Variants in OGDHL observed in about 807,000 individuals in gnomAD.
OGDHL encodes the protein oxoglutarate dehydrogenase L, also known as 2-oxoglutarate dehydrogenase-like, mitochondrial.
A neutral mutation model predicts 109.6 loss-of-function variants in OGDHL; 79 were observed. That is an observed-to-expected ratio of 0.72 (90% CI 0.60 to 0.87). The LOEUF is 0.87. Ranked by LOEUF, OGDHL falls within the 40% of genes least tolerant of loss-of-function variation. The pLI, the probability that OGDHL is intolerant of heterozygous loss-of-function variation, is 0.00. For synonymous variants in OGDHL, 528 were observed against 537.2 expected (o/e 0.98, Z 0.24); for missense variants, 1,275 against 1,362.2 (o/e 0.94, Z 1.01).
rs1841141966 is a variant in OGDHL at position 49,736,064 on chromosome 10, G to A, written c.2868C>T (p.Ser956=). The change falls in exon 22 of 23, where the codon AGC becomes AGT. Residue 956 remains serine (S), a synonymous_variant. Transcript: ENST00000374103. ...HKNMGYYDYI[S]PRFMTILRRA... Reference sequence around the variant, plus strand: ...GCCTCAGGATGGTCATGAAGCGTGGGCTGATGTAGTCATAGTAGCCCATGT... The same window carrying A: ...GCCTCAGGATGGTCATGAAGCGTGGACTGATGTAGTCATAGTAGCCCATGT... 1.6e-5 allele frequency: 25 copies of A among 1,608,650 alleles called. No individual in the cohort carries two copies. The highest frequency in any genetic ancestry group is 2.1e-5 in the Non-Finnish European group (25 of 1,177,382).
chr10:49,756,537 A>C (rs1842924858), intron 3 of OGDHL: 2 of 413,866 alleles, frequency 4.8e-6, no homozygotes, highest in East Asian at 7.3e-5. Flanking sequence ...TGGTGTGTGC[A>C]AGGAACAGAC....
chr10:49,746,998 A>G (rs1842236870), intron 9 of OGDHL, 31 bp downstream of exon 9: 1 of 1,611,044 alleles, frequency 6.2e-7, no homozygotes, highest in Non-Finnish European at 8.5e-7. Flanking sequence ...TGAAGGGCCC[A>G]GGTCCTCTGG....
Position 49,744,074 on chromosome 10 carries a change from GT to G in OGDHL, c.1780del (p.Thr594ArgfsTer39). The G allele has an allele frequency of 3.1e-6, 5 of 1,614,096 alleles. No homozygotes were observed. Among genetic ancestry groups the G allele is most frequent in the African/African-American group, 1.3e-5 (1 of 75,038 alleles). ...GEPKSMTCPA[T>X]GIPEDMLTHI... ...GGTGAGCATGTCCTCAGGGATCCCCGTGGCTGGGCATGTCATGCTCTTGGGC... is the reference window on the plus strand; with the variant it reads ...GGTGAGCATGTCCTCAGGGATCCCCGGGCTGGGCATGTCATGCTCTTGGGC... On this transcript the variant is annotated frameshift_variant, in exon 14 of 23. Transcript: ENST00000374103. LOFTEE classifies it high-confidence loss of function.
chr10:49,746,796 G>C lies in OGDHL; in HGVS notation c.1250C>G (p.Pro417Arg). 2 of 1,614,050 alleles carry C rather than the reference G, an allele frequency of 1.2e-6. No individual in the cohort carries two copies. The highest frequency in any genetic ancestry group is 8.5e-7 in the Non-Finnish European group (1 of 1,179,994). The change falls in exon 10 of 23, where the codon CCC becomes CGC. Residue 417 changes from proline to arginine, a missense_variant. Physicochemically the swap from Pro to Arg is moderately radical, Grantham distance 103. Transcript: ENST00000374103. ...VYETFHLSDL[P>R]SYTTNGTVHV... Reference sequence around the variant, plus strand: ...CACGGTACCATTGGTCGTGTAGGAGGGCAGGTCGCTCAGGTGGAAGGTCTC... The same window carrying C: ...CACGGTACCATTGGTCGTGTAGGAGCGCAGGTCGCTCAGGTGGAAGGTCTC...
At chr10:49,749,845 T>C in intron 7 of OGDHL, 29 bp from the exon 8 acceptor site, 1 of 1,560,570 alleles carries the variant, frequency 6.4e-7, no homozygotes, top group Non-Finnish European at 8.7e-7. Context: ...GGCTCTCACC[T>C]GGCAAAGCCC....
At chr10:49,762,137 G>A (rs1397447877) in intron 1 of OGDHL, 102 bp downstream of exon 1, 1 of 153,518 alleles carries the variant, frequency 6.5e-6, no homozygotes, top group East Asian at 1.9e-4. Flanking sequence ...TGCGGGCAGC[G>A]GCGCCCCAGG....
Position 49,752,208 on chromosome 10 carries a change from G to A in OGDHL, c.519C>T (p.Phe173=). Residue 173 remains phenylalanine (F), a synonymous_variant, in exon 5 of 23, where the codon TTC becomes TTT. Coordinates refer to ENST00000374103, the MANE Select transcript of OGDHL (RefSeq NM_018245.3). ...CAATGAAGGTGGTTGTCGGCAGCTG[G>A]AACTCCTTATCAAGGTCAGCCTCCT... ...DLQEADLDKE[F]QLPTTTFIGG... 1.2e-6 allele frequency: 2 copies of A among 1,614,072 alleles called. No homozygotes were observed. Among genetic ancestry groups the A allele is most frequent in the South Asian group, 2.2e-5 (2 of 91,066 alleles).
At chr10:49,739,987 A>G (rs1392112790) in intron 16 of OGDHL, 148 bp from the exon 17 acceptor site, 1 of 785,252 alleles carries the variant, frequency 1.3e-6, no homozygotes, top group Non-Finnish European at 2.0e-6. Flanking sequence ...CTGGGATTCA[A>G]AGGGTACAAT....
chr10:49,753,272 T>A (rs1020173741), intron 3 of OGDHL, among the ~76,000 whole-genome samples: 18 of 152,058 alleles, frequency 1.2e-4, no homozygotes, highest in Admixed American at 2.6e-4. Context: ...TCATAAAATT[T>A]AAAAAAACCA....
At chr10:49,738,884 C>T (rs982016870) in intron 17 of OGDHL, 14 of 153,592 alleles carry the variant, frequency 9.1e-5, no homozygotes, top group African/African-American at 3.1e-4. Flanking sequence ...TGGGGACGGC[C>T]AAGGACCCAG....
At chr10:49,756,331 C>G (rs1198706902) in intron 3 of OGDHL, among the ~76,000 whole-genome samples, 2 of 152,160 alleles carry the variant, frequency 1.3e-5, no homozygotes, top group African/African-American at 2.4e-5. Flanking sequence ...GGAGGAGCAA[C>G]TGGTGGGGGA....
At position 49,745,882 on chromosome 10, in the gene OGDHL, G is replaced by T. The variant is rs17852387; in HGVS notation, c.1392C>A (p.Ala464=). The change falls in exon 11 of 23, where the codon GCC becomes GCA. Residue 464 remains alanine, a synonymous_variant. Coordinates refer to ENST00000374103, the MANE Select transcript of OGDHL (RefSeq NM_018245.3). ...VVNAPIFHVN[A]DDPEAVIYVC... Reference sequence around the variant, plus strand: ...CATATATCACAGCCTCTGGGTCATCGGCATTCACATGGAAGATAGGCGCAT... The same window carrying T: ...CATATATCACAGCCTCTGGGTCATCTGCATTCACATGGAAGATAGGCGCAT... The T allele has an allele frequency of 1.9e-6, 3 of 1,614,148 alleles. No individual in the cohort carries two copies. Among genetic ancestry groups the T allele is most frequent in the Non-Finnish European group, 2.5e-6 (3 of 1,180,038 alleles).
At chr10:49,741,728 C>A (rs1376352887) in intron 15 of OGDHL, among the ~76,000 whole-genome samples, 2 of 137,686 alleles carry the variant, frequency 1.5e-5, no homozygotes, top group African/African-American at 5.6e-5. Flanking sequence ...ACACACACAC[C>A]ACACACATAC....
At position 49,752,226 on chromosome 10, in the gene OGDHL, A is replaced by G; in HGVS notation, c.501T>C (p.Ala167=). 1 of 1,614,040 alleles carries G rather than the reference A, an allele frequency of 6.2e-7. No homozygotes were observed. The highest frequency in any genetic ancestry group is 1.3e-5 in the African/African-American group (1 of 75,070). Residue 167 remains alanine, a synonymous_variant, in exon 5 of 23, where the codon GCT becomes GCC. Transcript: ENST00000374103. ...DKLAFYDLQE[A]DLDKEFQLPT... ...GCAGCTGGAACTCCTTATCAAGGTC[A>G]GCCTCCTGAAGGTCATAGAAGGCTG...
chr10:49,737,049 G>A (rs1176082833), intron 20 of OGDHL, among the ~76,000 whole-genome samples: 1 of 152,174 alleles, frequency 6.6e-6, no homozygotes, highest in Admixed American at 6.5e-5. Context: ...GGAAGCTACT[G>A]TAGTGTCCTC....
intron 13 of OGDHL, among the ~76,000 whole-genome samples, chr10:49,744,444 G>A (rs1281260068): frequency 6.6e-6 from 1 of 152,048 alleles, no homozygotes; most frequent in Non-Finnish European, 1.5e-5. Context: ...CCTTTTCAGT[G>A]AGCACCTGGC....
At chr10:49,752,092 G>A in intron 5 of OGDHL, 41 bp downstream of exon 5, 1 of 1,610,120 alleles carries the variant, frequency 6.2e-7, no homozygotes, top group Non-Finnish European at 8.5e-7. Flanking sequence ...AAGCTCCAAA[G>A]AGCTGCTTCA....
intron 1 of OGDHL, among the ~76,000 whole-genome samples, chr10:49,759,433 C>G (rs1246006705): frequency 6.6e-6 from 1 of 152,092 alleles, no homozygotes; most frequent in East Asian, 1.9e-4. Context: ...TCTCACCTCA[C>G]TCTGTCACCT....
chr10:49,743,901 A>G (rs1841981663), intron 14 of OGDHL, 93 bp downstream of exon 14: 9 of 1,487,164 alleles, frequency 6.1e-6, no homozygotes, highest in Non-Finnish European at 5.5e-6. Flanking sequence ...AATGCGACAC[A>G]CCATCTCTCT....
Sources: allele counts gnomAD v4.1 joint callset (sites outside exome capture counted in the v4.1 genomes callset), GRCh38; gene constraint gnomAD v4.1.1; transcripts MANE v1.5; gene names NCBI Gene and HGNC (gene_info 2026-07-23, HGNC 2026-07-21).